WDR7: variants seen among roughly 807,000 people sequenced by gnomAD.
WDR7 encodes the protein WD repeat-containing protein 7.
WDR7 carries 46 observed loss-of-function variants against 169.4 expected under a neutral mutation model. That is an observed-to-expected ratio of 0.27 (90% CI 0.21 to 0.35). WDR7 has a LOEUF of 0.35. Among genes scored for constraint, WDR7 ranks in the 10% least tolerant of loss-of-function variants. The probability of loss-of-function intolerance (pLI) is 1.00; values close to 1 mark genes in which losing one functional copy is unlikely to be tolerated. For synonymous variants in WDR7, 612 were observed against 666.8 expected (o/e 0.92, Z 1.27); for missense variants, 1,534 against 1,859.3 (o/e 0.83, Z 3.22).
chr18:56,935,736 C>A, intron 22 of WDR7, 52 bp from the exon 23 acceptor site: 2 of 1,532,342 alleles, frequency 1.3e-6, no homozygotes, highest in Non-Finnish European at 1.8e-6. Flanking sequence ...CTTTTCAGTC[C>A]ATATTTCTAA....
intron 20 of WDR7, among the ~76,000 whole-genome samples, chr18:56,858,964 A>AT (rs1230854354): frequency 6.6e-6 from 1 of 152,178 alleles, no homozygotes; most frequent in Admixed American, 6.5e-5. Context: ...CCAAAAGACT[A>AT]GAGAAGAGCA....
intron 20 of WDR7, among the ~76,000 whole-genome samples, chr18:56,867,730 T>C (rs972589516): frequency 6.6e-6 from 1 of 152,186 alleles, no homozygotes; most frequent in Non-Finnish European, 1.5e-5. Context: ...AAATCCATAG[T>C]TGTAATACAT....
At chr18:56,911,003 C>T (rs2046544644) in intron 21 of WDR7, among the ~76,000 whole-genome samples, 1 of 152,094 alleles carries the variant, frequency 6.6e-6, no homozygotes, top group African/African-American at 2.4e-5. Flanking sequence ...ACATCTCTTC[C>T]AGAAAGAGCC....
At chr18:56,747,086 T>C (rs2043716570) in intron 14 of WDR7, among the ~76,000 whole-genome samples, 1 of 152,204 alleles carries the variant, frequency 6.6e-6, no homozygotes, top group Non-Finnish European at 1.5e-5. Flanking sequence ...GAAGGTTCAC[T>C]AATGTGGAGT....
intron 12 of WDR7, among the ~76,000 whole-genome samples, chr18:56,701,065 T>C (rs1226112176): frequency 6.6e-6 from 1 of 152,212 alleles, no homozygotes; most frequent in African/African-American, 2.4e-5. Flanking sequence ...TGAAGGGTTA[T>C]TGAGAACAGT....
chr18:56,974,675 C>T (rs765459170), intron 26 of WDR7, among the ~76,000 whole-genome samples: 1 of 152,104 alleles, frequency 6.6e-6, no homozygotes, highest in African/African-American at 2.4e-5. Context: ...TTGGTTAACC[C>T]CACGAGTCAG....
At chr18:56,821,954 G>C (rs113588823) in intron 20 of WDR7, among the ~76,000 whole-genome samples, 1 of 152,036 alleles carries the variant, frequency 6.6e-6, no homozygotes, top group African/African-American at 2.4e-5. Flanking sequence ...AGCCATGTTC[G>C]AACCACTGCA....
chr18:56,877,152 G>T (rs2046034396), intron 20 of WDR7, among the ~76,000 whole-genome samples: 1 of 152,100 alleles, frequency 6.6e-6, no homozygotes, highest in Admixed American at 6.5e-5. Flanking sequence ...CATATCTGCT[G>T]ATATACTTGA....
At chr18:56,811,466 G>A (rs1302075725) in intron 19 of WDR7, among the ~76,000 whole-genome samples, 1 of 151,982 alleles carries the variant, frequency 6.6e-6, no homozygotes, top group Non-Finnish European at 1.5e-5. Context: ...TCTTAATAGG[G>A]CCTTTGTAGA....
chr18:56,792,618 T>TG (rs921442092), intron 19 of WDR7, among the ~76,000 whole-genome samples: 6 of 151,654 alleles, frequency 4.0e-5, no homozygotes, highest in Admixed American at 6.6e-5. Flanking sequence ...CTTTGTTTTT[T>TG]TTTTTTTTTT....
intron 16 of WDR7, among the ~76,000 whole-genome samples, chr18:56,775,549 T>C (rs1360443515): frequency 2.0e-5 from 3 of 152,178 alleles, no homozygotes; most frequent in African/African-American, 7.2e-5. Context: ...AGTATAACAT[T>C]GTAAAATAAT....
rs1433554915 is a variant in WDR7, at chr18:57,028,735, TAAG to T, written c.*1531_*1533del. On this transcript the variant is annotated 3_prime_UTR_variant, in exon 28 of 28. Transcript: ENST00000254442. ...TGAAACAGATTTTTAAAGAGCATAT[TAAG>T]AAATTAAGACCATTAGATCATCTCT... 3 of 152,622 alleles carry T rather than the reference TAAG, an allele frequency of 2.0e-5. No individual in the cohort carries two copies. Among genetic ancestry groups the T allele is most frequent in the Non-Finnish European group, 4.4e-5 (3 of 68,020 alleles). 9.5% of individuals were successfully genotyped at this position (152,622 alleles called of 1,614,324 possible).
chr18:56,718,404 C>A (rs928513918), intron 13 of WDR7, among the ~76,000 whole-genome samples: 1 of 152,042 alleles, frequency 6.6e-6, no homozygotes, highest in Non-Finnish European at 1.5e-5. Flanking sequence ...ATATGGACAA[C>A]AAAGTATATA....
intron 14 of WDR7, chr18:56,753,180 T>G (rs1196226888): frequency 6.6e-6 from 1 of 152,182 alleles, no homozygotes; most frequent in African/African-American, 2.4e-5. Context: ...TAATTTTATG[T>G]CAGAAGAGCT....
rs536769904 is a variant in WDR7, at chr18:56,680,086, G to A, written c.266+648G>A. 1.6e-4 allele frequency among the ~76,000 whole-genome samples: 24 copies of A among 152,314 alleles called. 1 individual carries two copies. Among genetic ancestry groups the A allele is most frequent in the Admixed American group, 1.6e-3 (24 of 15,294 alleles). On this transcript the variant is annotated intron_variant, in intron 3 of 27. Coordinates refer to ENST00000254442, the MANE Select transcript of WDR7 (RefSeq NM_015285.3). Reference sequence around the variant, plus strand: ...ATATAAGAAATTGTTGCTATGTGTGGTGGCTCACTCCTGTAATCCTAACAC... The same window carrying A: ...ATATAAGAAATTGTTGCTATGTGTGATGGCTCACTCCTGTAATCCTAACAC...
At chr18:56,716,965 A>G (rs555455004) in intron 12 of WDR7, among the ~76,000 whole-genome samples, 2 of 152,326 alleles carry the variant, frequency 1.3e-5, no homozygotes, top group East Asian at 3.9e-4. Flanking sequence ...TTAGTTTAAA[A>G]ACAACCTGTT....
At chr18:56,918,053 A>G (rs2046653217) in intron 21 of WDR7, among the ~76,000 whole-genome samples, 2 of 152,028 alleles carry the variant, frequency 1.3e-5, no homozygotes, top group South Asian at 2.1e-4. Flanking sequence ...ATTTTGTTTC[A>G]TTTTGATTTG....
intron 26 of WDR7, among the ~76,000 whole-genome samples, chr18:56,997,212 T>C (rs922481777): frequency 8.5e-5 from 13 of 152,226 alleles, no homozygotes; most frequent in Non-Finnish European, 1.8e-4. Context: ...TTCTTCTCCA[T>C]GCTCCCTGGC....
chr18:56,703,267 A>C (rs978280584), intron 12 of WDR7, among the ~76,000 whole-genome samples: 5 of 152,234 alleles, frequency 3.3e-5, no homozygotes, highest in African/African-American at 9.6e-5. Context: ...CAGTGTGGCT[A>C]ATGTTCACAG....
Sources: allele counts gnomAD v4.1 joint callset (sites outside exome capture counted in the v4.1 genomes callset), GRCh38; gene constraint gnomAD v4.1.1; transcripts MANE v1.5; gene names NCBI Gene and HGNC (gene_info 2026-07-23, HGNC 2026-07-21).